NRXN3: variants seen among roughly 807,000 people sequenced by gnomAD.
NRXN3 encodes the protein neurexin 3.
A neutral mutation model predicts 137.6 loss-of-function variants in NRXN3; 32 were observed. That is an observed-to-expected ratio of 0.23 (90% CI 0.18 to 0.31). The LOEUF is 0.31. Ranked by LOEUF, NRXN3 falls within the 10% of genes least tolerant of loss-of-function variation. NRXN3 has a pLI of 1.00. For synonymous variants in NRXN3, 798 were observed against 784.5 expected, an observed-to-expected ratio of 1.02 and a Z score of -0.29; for missense variants, 1,574 against 2,062.5, an observed-to-expected ratio of 0.76 and a Z score of 4.59.
intron 10 of NRXN3, among the ~76,000 whole-genome samples, chr14:78,879,617 G>A (rs1251663299): frequency 6.6e-6 from 1 of 152,112 alleles, no homozygotes; most frequent in African/African-American, 2.4e-5. Context: ...ATATATTTTA[G>A]ATATTAACCC....
chr14:78,895,124 C>T (rs756696292), intron 10 of NRXN3, among the ~76,000 whole-genome samples: 4 of 151,570 alleles, frequency 2.6e-5, no homozygotes, highest in African/African-American at 4.8e-5. Context: ...ATAGTCAGCC[C>T]GCCCTTTGAA....
At chr14:79,220,546 G>T (rs1359792693) in intron 15 of NRXN3, among the ~76,000 whole-genome samples, 1 of 152,002 alleles carries the variant, frequency 6.6e-6, no homozygotes, top group African/African-American at 2.4e-5. Context: ...ATATCCTACA[G>T]AATAGTTTCA....
intron 19 of NRXN3, among the ~76,000 whole-genome samples, chr14:79,707,035 G>A (rs1400094610): frequency 6.6e-6 from 1 of 152,114 alleles, no homozygotes; most frequent in African/African-American, 2.4e-5. Flanking sequence ...TTGGTCTAAT[G>A]GCTGAGTATA....
At chr14:79,012,470 A>G (rs1168978116) in intron 15 of NRXN3, among the ~76,000 whole-genome samples, 3 of 152,200 alleles carry the variant, frequency 2.0e-5, no homozygotes, top group Non-Finnish European at 4.4e-5. Flanking sequence ...TCTAGAGCAT[A>G]ATAATGCATA....
intron 16 of NRXN3, among the ~76,000 whole-genome samples, chr14:79,594,850 C>T (rs2097845963): frequency 6.6e-6 from 1 of 152,104 alleles, no homozygotes; most frequent in African/African-American, 2.4e-5. Context: ...CTTTTGGGTA[C>T]AAGTCCCTGT....
chr14:79,799,865 T>C (rs1306103874), intron 19 of NRXN3, among the ~76,000 whole-genome samples: 2 of 152,202 alleles, frequency 1.3e-5, no homozygotes, highest in Non-Finnish European at 2.9e-5. Context: ...AGACTGTGAA[T>C]TCCCAGAGCA....
At chr14:79,507,882 CTT>C (rs1046623206) in intron 16 of NRXN3, among the ~76,000 whole-genome samples, 1 of 152,120 alleles carries the variant, frequency 6.6e-6, no homozygotes, top group African/African-American at 2.4e-5. Flanking sequence ...TCTTTTGACT[CTT>C]TGCAAGATTT....
chr14:79,428,223 A>G (rs1253719150), intron 15 of NRXN3, among the ~76,000 whole-genome samples: 1 of 152,166 alleles, frequency 6.6e-6, no homozygotes, highest in Non-Finnish European at 1.5e-5. Flanking sequence ...ACATTTTATC[A>G]AGGTTTTTCA....
intron 15 of NRXN3, among the ~76,000 whole-genome samples, chr14:79,444,742 T>G (rs1467433295): frequency 5.3e-5 from 8 of 152,102 alleles, no homozygotes; most frequent in African/African-American, 1.9e-4. Flanking sequence ...TCAGGAGGGT[T>G]GCTTGAGCGC....
intron 15 of NRXN3, among the ~76,000 whole-genome samples, chr14:79,158,665 A>G (rs1009743703): frequency 7.2e-5 from 11 of 151,814 alleles, no homozygotes; most frequent in African/African-American, 2.7e-4. Context: ...AGTTGTAGAT[A>G]AATTGAACTA....
intron 20 of NRXN3, among the ~76,000 whole-genome samples, chr14:79,824,523 GA>G (rs1226531770): frequency 6.6e-6 from 1 of 152,114 alleles, no homozygotes; most frequent in Non-Finnish European, 1.5e-5. Context: ...AAAGCCCTCA[GA>G]AAAGCAATTT....
intron 3 of NRXN3, among the ~76,000 whole-genome samples, chr14:78,280,673 C>T (rs2074281697): frequency 1.3e-5 from 2 of 152,160 alleles, no homozygotes; most frequent in South Asian, 4.1e-4. Flanking sequence ...ATGAGGCTGC[C>T]TCTGACAAAA....
At chr14:79,127,574 C>T (rs1237368178) in intron 15 of NRXN3, among the ~76,000 whole-genome samples, 9 of 152,026 alleles carry the variant, frequency 5.9e-5, no homozygotes, top group Non-Finnish European at 1.3e-4. Context: ...TTTTGGTTAC[C>T]TTAGGCTTGT....
intron 15 of NRXN3, among the ~76,000 whole-genome samples, chr14:79,416,901 A>G (rs929434950): frequency 6.6e-6 from 1 of 152,170 alleles, no homozygotes; most frequent in Non-Finnish European, 1.5e-5. Context: ...ATGGTTAGCC[A>G]TTTTTTAGAA....
chr14:78,536,834 C>T (rs2153816675), intron 4 of NRXN3, among the ~76,000 whole-genome samples: 1 of 149,880 alleles, frequency 6.7e-6, no homozygotes, highest in South Asian at 2.2e-4. Flanking sequence ...TCCATTCTCA[C>T]CTATGAGTGA....
intron 9 of NRXN3, among the ~76,000 whole-genome samples, chr14:78,807,436 G>A (rs1204280683): frequency 1.3e-5 from 2 of 152,076 alleles, no homozygotes; most frequent in East Asian, 3.9e-4. Context: ...TCAACAACGA[G>A]AAAAACTTTC....
At chr14:79,229,757 C>T (rs897052723) in intron 15 of NRXN3, among the ~76,000 whole-genome samples, 8 of 152,082 alleles carry the variant, frequency 5.3e-5, no homozygotes, top group South Asian at 2.1e-4. Context: ...TGTCCTCGTG[C>T]GTCTCTGTCT....
At chr14:78,891,844 A>T (rs747545609) in intron 10 of NRXN3, among the ~76,000 whole-genome samples, 3 of 152,044 alleles carry the variant, frequency 2.0e-5, no homozygotes, top group Non-Finnish European at 4.4e-5. Flanking sequence ...GAATGTATAT[A>T]CACAAACATA....
intron 6 of NRXN3, among the ~76,000 whole-genome samples, chr14:78,669,622 GA>G (rs1285096960): frequency 1.3e-5 from 2 of 152,104 alleles, no homozygotes; most frequent in Non-Finnish European, 1.5e-5. Context: ...CACCCATAGT[GA>G]CACACGGGTC....
Sources: allele counts gnomAD v4.1 joint callset (sites outside exome capture counted in the v4.1 genomes callset), GRCh38; gene constraint gnomAD v4.1.1; transcripts MANE v1.5; gene names NCBI Gene and HGNC (gene_info 2026-07-23, HGNC 2026-07-21).